TGFBR2: variants seen among roughly 807,000 people sequenced by gnomAD.
The protein encoded by TGFBR2 is transforming growth factor beta receptor 2, also known as TGF-beta receptor type-2.
Under a neutral mutation model 49.0 loss-of-function variants are expected in TGFBR2, and 18 were observed. That is an observed-to-expected ratio of 0.37 (90% CI 0.25 to 0.54). The LOEUF is 0.54. Among genes scored for constraint, TGFBR2 ranks in the 20% least tolerant of loss-of-function variants. TGFBR2 has a pLI of 0.85. For missense variants in TGFBR2, 525 were observed against 722.6 expected (o/e 0.73, Z 3.13); for synonymous variants, 282 against 275.9 (o/e 1.02, Z -0.22).
intron 1 of TGFBR2, among the ~76,000 whole-genome samples, chr3:30,607,800 ATATATATATATATTATATAT>A (rs1697951668): frequency 8.4e-6 from 1 of 118,498 alleles, no homozygotes; most frequent in African/African-American, 4.9e-5. Flanking sequence ...AAATAAAAAA[ATATATATATATATTATATAT>A]ATATAAATAT....
chr3:30,664,863 A>C (rs1358917328), intron 3 of TGFBR2, among the ~76,000 whole-genome samples: 2 of 152,278 alleles, frequency 1.3e-5, no homozygotes, highest in Non-Finnish European at 2.9e-5. Context: ...TGGATCAGTT[A>C]ATGTGTCTTG....
chr3:30,640,251 A>G (rs1189366031), intron 1 of TGFBR2, among the ~76,000 whole-genome samples: 1 of 152,186 alleles, frequency 6.6e-6, no homozygotes, highest in Non-Finnish European at 1.5e-5. Context: ...CCTTTAGTGG[A>G]TGGCTTTCTA....
At chr3:30,621,409 T>C (rs562818082) in intron 1 of TGFBR2, among the ~76,000 whole-genome samples, 1 of 150,884 alleles carries the variant, frequency 6.6e-6, no homozygotes, top group Non-Finnish European at 1.5e-5. Context: ...GCCTCCCGAG[T>C]AGCTGGGATT....
chr3:30,691,225 G>A (rs951818017), intron 6 of TGFBR2, among the ~76,000 whole-genome samples, 195 bp from the exon 7 acceptor site: 3 of 152,174 alleles, frequency 2.0e-5, no homozygotes, highest in African/African-American at 7.2e-5. Flanking sequence ...GCTGCCACCA[G>A]CACAAACCCC....
chr3:30,677,899 T>C (rs1053823811), intron 5 of TGFBR2, among the ~76,000 whole-genome samples: 1 of 152,084 alleles, frequency 6.6e-6, no homozygotes, highest in Non-Finnish European at 1.5e-5. Flanking sequence ...AATTAAATAA[T>C]GAATCCCCCT....
At chr3:30,656,221 G>T (rs1698995710) in intron 3 of TGFBR2, among the ~76,000 whole-genome samples, 1 of 152,204 alleles carries the variant, frequency 6.6e-6, no homozygotes, top group Non-Finnish European at 1.5e-5. Context: ...CCAGTGGCAT[G>T]TGGGTCTTTT....
chr3:30,623,870 T>C (rs1698279561), intron 1 of TGFBR2, among the ~76,000 whole-genome samples: 2 of 152,174 alleles, frequency 1.3e-5, no homozygotes, highest in African/African-American at 4.8e-5. Context: ...GGTTGGGCGC[T>C]GTGGCTCATG....
intron 6 of TGFBR2, among the ~76,000 whole-genome samples, chr3:30,689,991 A>G (rs1485525880): frequency 4.6e-5 from 7 of 152,232 alleles, no homozygotes; most frequent in Non-Finnish European, 1.5e-5. Flanking sequence ...CCATCTGTCA[A>G]TACTGTCAAT....
rs541603995 is a variant in TGFBR2, at chr3:30,666,748, C to A, written c.455-4890C>A. 3.6e-4 allele frequency among the ~76,000 whole-genome samples: 54 copies of A among 151,548 alleles called. No homozygotes were observed. The South Asian group carries it at 0.01, about 28-fold the overall frequency. On this transcript the variant is annotated intron_variant, in intron 3 of 6. Coordinates refer to ENST00000295754, the MANE Select transcript of TGFBR2 (RefSeq NM_003242.6). ...AACTCCTGCCTCAAGTAAAGTAATC[C>A]TCCTGCCTCAGCCACCGTAATAGCT...
intron 3 of TGFBR2, among the ~76,000 whole-genome samples, chr3:30,664,415 T>A (rs1426378253): frequency 6.6e-6 from 1 of 152,212 alleles, no homozygotes; most frequent in East Asian, 1.9e-4. Flanking sequence ...CTGTCACTCA[T>A]AGAGGCCAGA....
At chr3:30,680,448 G>A (rs550802830) in intron 5 of TGFBR2, among the ~76,000 whole-genome samples, 11 of 152,176 alleles carry the variant, frequency 7.2e-5, no homozygotes, top group East Asian at 3.9e-4. Context: ...CTATTGTGTC[G>A]CAGGCATTGT....
intron 1 of TGFBR2, among the ~76,000 whole-genome samples, chr3:30,639,194 T>C (rs527909164): frequency 6.6e-6 from 1 of 152,302 alleles, no homozygotes; most frequent in Admixed American, 6.5e-5. Flanking sequence ...ACTCAACATA[T>C]AGTGGGCTGG....
intron 3 of TGFBR2, chr3:30,661,625 C>A: frequency 1.9e-6 from 1 of 513,770 alleles, no homozygotes; most frequent in East Asian, 5.5e-5. Context: ...GTGATGAAGA[C>A]CCCAGGGTTT....
chr3:30,631,596 C>G (rs1057302502), intron 1 of TGFBR2, among the ~76,000 whole-genome samples: 1 of 149,990 alleles, frequency 6.7e-6, no homozygotes, highest in Non-Finnish European at 1.5e-5. Context: ...TTTCTAGAAG[C>G]CTTAACAATA....
rs145116012 is a variant in TGFBR2 at position 30,661,151 on chromosome 3, C to T, written c.455-10487C>T. 1.9e-3 allele frequency among the ~76,000 whole-genome samples: 291 copies of T among 152,230 alleles called. 1 individual carries two copies. The highest frequency in any genetic ancestry group is 4.1e-3 in the Admixed American group (62 of 15,294). ...AGAGTACAAGGTGTAATTCAGACAG[C>T]CAGCCAGAAAAAGAATTAAAGAATC... On this transcript the variant is annotated intron_variant, in intron 3 of 6. Transcript: ENST00000295754.
At chr3:30,668,003 G>A (rs138131591) in intron 3 of TGFBR2, among the ~76,000 whole-genome samples, 1 of 152,172 alleles carries the variant, frequency 6.6e-6, no homozygotes, top group East Asian at 1.9e-4. Flanking sequence ...TAAGATCTCT[G>A]TTGCATGAAC....
At chr3:30,653,441 G>A (rs943700117) in intron 3 of TGFBR2, among the ~76,000 whole-genome samples, 2 of 151,498 alleles carry the variant, frequency 1.3e-5, no homozygotes, top group Non-Finnish European at 2.9e-5. Context: ...TAGTAGAGAC[G>A]GGGTTTCACC....
intron 3 of TGFBR2, among the ~76,000 whole-genome samples, chr3:30,655,774 C>T (rs904400530): frequency 3.3e-5 from 5 of 152,182 alleles, no homozygotes; most frequent in Admixed American, 6.5e-5. Flanking sequence ...TGCTTGGGAG[C>T]GCCCAGCACA....
chr3:30,637,080 G>A lies in TGFBR2; in HGVS notation c.95-7667G>A, dbSNP rs77399091. On this transcript the variant is annotated intron_variant, in intron 1 of 6. Coordinates refer to ENST00000295754, the MANE Select transcript of TGFBR2 (RefSeq NM_003242.6). Reference sequence around the variant, plus strand: ...CTCTGTCTGAAAAAAAAAAAAAAAAGCAATAAAAGCAATAACAACAAAACA... The same window carrying A: ...CTCTGTCTGAAAAAAAAAAAAAAAAACAATAAAAGCAATAACAACAAAACA... Among the ~76,000 whole-genome samples the A allele has an allele frequency of 1.8e-4, 26 of 144,642 alleles. No homozygotes were observed. In the East Asian group the frequency reaches 4.2e-3, roughly 23 times the overall value. The allele number at this position is 144,642 out of a possible 152,430, so 94.9% of individuals were successfully genotyped here. A position where few individuals can be genotyped will look rare whatever the true frequency, so the allele number is the denominator to read the frequency against.
Sources: allele counts gnomAD v4.1 joint callset (sites outside exome capture counted in the v4.1 genomes callset), GRCh38; gene constraint gnomAD v4.1.1; transcripts MANE v1.5; gene names NCBI Gene and HGNC (gene_info 2026-07-23, HGNC 2026-07-21).